The following PACS2 variants were observed in gnomAD, a reference collection of about 807,000 sequenced individuals.
The protein encoded by PACS2 is PACS1-like protein.
Under a neutral mutation model 113.0 loss-of-function variants are expected in PACS2, and 36 were observed. The ratio of observed to expected loss-of-function variants is 0.32; its 90% confidence interval spans 0.24 to 0.42. PACS2 has a LOEUF of 0.42. PACS2 is among the 10% of genes least tolerant of loss of function. The pLI is 1.00. For missense variants in PACS2, 1,015 were observed against 1,239.5 expected, an observed-to-expected ratio of 0.82 and a Z score of 2.72; for synonymous variants, 589 against 536.1, an observed-to-expected ratio of 1.10 and a Z score of -1.36.
chr14:105,380,102 G>T lies in PACS2; in HGVS notation c.1073G>T (p.Arg358Leu), dbSNP rs782336809. Reference sequence around the variant, plus strand: ...CAGGCTGACGTGCCCGAGAAGACGCGGTCCCTGGGAGGCAGGCAGCCGAGC... The same window carrying T: ...CAGGCTGACGTGCCCGAGAAGACGCTGTCCCTGGGAGGCAGGCAGCCGAGC... ...PSPADVPEKT[R>L]SLGGRQPSDS... is the part of the protein sequence containing the mutation. The change falls in exon 11 of 25, where the codon CGG becomes CTG. Residue 358 changes from arginine to leucine, a missense_variant. Arg to Leu is a moderately radical substitution (Grantham distance 102). Transcript: ENST00000447393. 1.3e-6 allele frequency: 2 copies of T among 1,553,084 alleles called. No homozygotes were observed. The highest frequency in any genetic ancestry group is 1.7e-4 in the Middle Eastern group (1 of 6,014).
chr14:105,379,468 T>G (rs765156822), intron 9 of PACS2, among the ~76,000 whole-genome samples: 1 of 152,206 alleles, frequency 6.6e-6, no homozygotes, highest in Non-Finnish European at 1.5e-5. Context: ...GTGTGTTTCC[T>G]GCAGCTGATG....
At position 105,315,021 on chromosome 14, in the gene PACS2, C is replaced by T; in HGVS notation, c.103C>T (p.Pro35Ser). ...CACCTGGGAGGTGGACGGCTCCAGC[C>T]CCAGCTGCGTGCCCAGGTACGCGCC... ...FATWEVDGSS[P>S]SCVPRLCSLT... The change falls in exon 1 of 25, where the codon CCC becomes TCC. Residue 35 changes from proline to serine, a missense_variant. Physicochemically the swap from Pro to Ser is moderately conservative, Grantham distance 74 (BLOSUM62 -1). Coordinates refer to ENST00000447393, the MANE Select transcript of PACS2 (RefSeq NM_001100913.3). This position sits in a 1 kb window ranked among gnomAD's most constrained non-coding sequence, Gnocchi z 4.4. The T allele has an allele frequency of 1.6e-6, 2 of 1,226,336 alleles. No individual in the cohort carries two copies. The highest frequency in any genetic ancestry group is 1.0e-6 in the Non-Finnish European group (1 of 965,598). 76.0% of individuals were successfully genotyped at this position (1,226,336 alleles called of 1,614,324 possible). A position where few individuals can be genotyped will look rare whatever the true frequency, so the allele number is the denominator to read the frequency against.
intron 1 of PACS2, among the ~76,000 whole-genome samples, chr14:105,326,173 C>T (rs587668544): frequency 1.3e-5 from 2 of 152,334 alleles, no homozygotes; most frequent in South Asian, 2.1e-4. Flanking sequence ...AGGGCCGCCT[C>T]GAGACCAGCG....
At position 105,357,568 on chromosome 14, in the gene PACS2, C is replaced by A. The variant is rs916840309; in HGVS notation, c.423+2391C>A. On this transcript the variant is annotated intron_variant, in intron 4 of 24. Coordinates refer to ENST00000447393, the MANE Select transcript of PACS2 (RefSeq NM_001100913.3). This position sits in a 1 kb window ranked among gnomAD's most constrained non-coding sequence, Gnocchi z 5.1. ...TCCCATGTGTCCCCGAGCACCAGGG[C>A]GGTTCATGGGCTCCCTGTGTCCTGC... 6.6e-6 allele frequency among the ~76,000 whole-genome samples: 1 copy of A among 152,116 alleles called. No individual in the cohort carries two copies. The highest frequency in any genetic ancestry group is 6.5e-5 in the Admixed American group (1 of 15,272).
At chr14:105,336,682 G>A (rs908119170) in intron 1 of PACS2, 1 of 152,426 alleles carries the variant, frequency 6.6e-6, no homozygotes, top group Non-Finnish European at 1.5e-5. Context: ...TCCTTCCTGG[G>A]GTTGTGGGCC....
rs2058504376 is a variant in PACS2, at chr14:105,314,994, G to A, written c.76G>A (p.Ala26Thr). Residue 26 changes from alanine (A) to threonine (T), a missense_variant, in exon 1 of 25, where the codon GCC becomes ACC. Ala to Thr is a moderately conservative substitution (Grantham distance 58, BLOSUM62 0). Transcript: ENST00000447393. ...LNTPVPMNLF[A>T]TWEVDGSSPS... ...CACGCCCGTGCCCATGAACCTGTTC[G>A]CCACCTGGGAGGTGGACGGCTCCAG... 1.6e-6 allele frequency: 2 copies of A among 1,250,784 alleles called. No individual in the cohort carries two copies. The highest frequency in any genetic ancestry group is 2.0e-6 in the Non-Finnish European group (2 of 976,718). 77.5% of individuals were successfully genotyped at this position (1,250,784 alleles called of 1,614,324 possible).
At chr14:105,331,793 T>C (rs587700974) in intron 1 of PACS2, among the ~76,000 whole-genome samples, 4 of 152,356 alleles carry the variant, frequency 2.6e-5, no homozygotes, top group African/African-American at 9.6e-5. Context: ...GCCCTGCCTT[T>C]CCCAAGGATA....
At chr14:105,316,708 G>A (rs2058659327) in intron 1 of PACS2, among the ~76,000 whole-genome samples, 2 of 152,142 alleles carry the variant, frequency 1.3e-5, no homozygotes, top group African/African-American at 4.8e-5. Flanking sequence ...GGAGGGTATG[G>A]GTAGGGCGGG....
chr14:105,361,693 TA>T (rs1172500138), intron 4 of PACS2, among the ~76,000 whole-genome samples: 1 of 151,758 alleles, frequency 6.6e-6, no homozygotes, highest in African/African-American at 2.4e-5. Context: ...CTCACGCCGG[TA>T]ATCCCAGCAC....
intron 18 of PACS2, 149 bp from the exon 19 acceptor site, chr14:105,385,536 G>T: frequency 1.8e-6 from 1 of 541,712 alleles, no homozygotes; most frequent in Non-Finnish European, 3.3e-6. Flanking sequence ...GGAGAGAGCC[G>T]AGTGCAAGGC....
At position 105,376,815 on chromosome 14, in the gene PACS2, G is replaced by A. The variant is rs1555410556; in HGVS notation, c.849G>A (p.Glu283=). 6.2e-7 allele frequency: 1 copy of A among 1,613,252 alleles called. No individual in the cohort carries two copies. Among genetic ancestry groups the A allele is most frequent in the Admixed American group, 1.7e-5 (1 of 60,006 alleles). ...CTGCGGAGCACATCCCCGAGGCAGA[G>A]GAGGACCTGGACCTCCTGTATGACA... ...QDPAEHIPEA[E]EDLDLLYDTL... is the part of the protein sequence containing the mutation. The change falls in exon 9 of 25, where the codon GAG becomes GAA. Residue 283 remains glutamate, a synonymous_variant. Transcript: ENST00000447393. This position sits in a 1 kb window ranked among gnomAD's most constrained non-coding sequence, Gnocchi z 4.7.
At position 105,355,265 on chromosome 14, in the gene PACS2, G is replaced by C. The variant is rs587717046; in HGVS notation, c.423+88G>C. On this transcript the variant is annotated intron_variant, in intron 4 of 24. Transcript: ENST00000447393. The surrounding 1 kb of genome is among the most constrained non-coding windows in gnomAD (Gnocchi z 4.1). The stretch of plus-strand genomic sequence containing the variant: ...CGTGGGAGATGGAGATGTCTCTCCC[G>C]GGTCCAGATGTCCAGGGATCAGGTG... The C allele has an allele frequency of 2.1e-6, 3 of 1,420,916 alleles. No homozygotes were observed. The highest frequency in any genetic ancestry group is 1.9e-6 in the Non-Finnish European group (2 of 1,049,086). The allele number at this position is 1,420,916 out of a possible 1,614,324, so 88.0% of individuals were successfully genotyped here. A position where few individuals can be genotyped will look rare whatever the true frequency, so the allele number is the denominator to read the frequency against.
intron 6 of PACS2, 32 bp from the exon 7 acceptor site, chr14:105,368,427 C>T (rs782279270): frequency 1.2e-5 from 19 of 1,537,464 alleles, no homozygotes; most frequent in East Asian, 4.5e-5. Flanking sequence ...TGCAGGCTGC[C>T]GTGGCCTCAG....
intron 2 of PACS2, among the ~76,000 whole-genome samples, chr14:105,351,694 G>A (rs940111549): frequency 2.6e-4 from 40 of 152,098 alleles, no homozygotes; most frequent in African/African-American, 9.7e-4. Context: ...AAAAATTATT[G>A]TATATTTTTT....
intron 1 of PACS2, among the ~76,000 whole-genome samples, chr14:105,316,361 G>T (rs2058630634): frequency 6.6e-6 from 1 of 152,236 alleles, no homozygotes; most frequent in Non-Finnish European, 1.5e-5. Flanking sequence ...CCCAGGCCTG[G>T]CTGCTTCTCC....
Position 105,376,978 on chromosome 14 carries a change from C to A in PACS2, c.959+53C>A. The A allele has an allele frequency of 6.6e-7, 1 of 1,519,340 alleles. No homozygotes were observed. Among genetic ancestry groups the A allele is most frequent in the South Asian group, 1.3e-5 (1 of 79,808 alleles). 94.1% of individuals were successfully genotyped at this position (1,519,340 alleles called of 1,614,324 possible). On this transcript the variant is annotated intron_variant, in intron 9 of 24. Coordinates refer to ENST00000447393, the MANE Select transcript of PACS2 (RefSeq NM_001100913.3). The surrounding 1 kb of genome is among the most constrained non-coding windows in gnomAD (Gnocchi z 4.7). ...GAACAGCCATTTCAGATGCCCCGGC[C>A]ACTCTGCGACCACTCTGGCAGACCC...
chr14:105,387,526 A>G (rs782408923), intron 19 of PACS2, among the ~76,000 whole-genome samples: 12 of 152,088 alleles, frequency 7.9e-5, no homozygotes, highest in Non-Finnish European at 1.3e-4. Flanking sequence ...TCCTGACCAC[A>G]CTGCCTCCAC....
chr14:105,349,936 A>C (rs587656193), intron 2 of PACS2, among the ~76,000 whole-genome samples: 1 of 150,044 alleles, frequency 6.7e-6, no homozygotes, highest in South Asian at 2.1e-4. Context: ...CAGGACCCCG[A>C]GAACTTCCAG....
At chr14:105,343,054 C>T (rs1223378632) in intron 1 of PACS2, among the ~76,000 whole-genome samples, 2 of 152,112 alleles carry the variant, frequency 1.3e-5, no homozygotes, top group Admixed American at 6.5e-5. Context: ...CTGGGCAGTC[C>T]ACCCAAAACA....
Sources: gnomAD v4.1 joint callset for allele counts (sites outside exome capture counted in the v4.1 genomes callset) on GRCh38, gnomAD v4.1.1 for gene constraint, Gnocchi (gnomAD v3.1) non-coding constraint, MANE v1.5 for transcripts, NCBI Gene and HGNC (gene_info 2026-07-23, HGNC 2026-07-21) for gene names.